FAM107B: variants seen among roughly 807,000 people sequenced by gnomAD.
FAM107B encodes the protein protein FAM107B.
FAM107B carries 21 observed loss-of-function variants against 31.5 expected under a neutral mutation model. That is an observed-to-expected ratio of 0.67 (90% CI 0.47 to 0.96). The LOEUF (loss-of-function observed/expected upper bound fraction) is 0.96. FAM107B is among the 40% of genes least tolerant of loss of function. FAM107B has a pLI of 0.00. For synonymous variants in FAM107B, 157 were observed against 141.5 expected (o/e 1.11, Z -0.78); for missense variants, 452 against 377.1 (o/e 1.20, Z -1.64).
At chr10:14,527,129 A>G (rs1846345888) in intron 3 of FAM107B, among the ~76,000 whole-genome samples, 1 of 146,762 alleles carries the variant, frequency 6.8e-6, no homozygotes, top group African/African-American at 2.5e-5. Context: ...GAGCCACCAC[A>G]CCCAGCCCTT....
At chr10:14,574,377 A>C (rs962790725) in intron 2 of FAM107B, among the ~76,000 whole-genome samples, 4 of 152,244 alleles carry the variant, frequency 2.6e-5, no homozygotes, top group Non-Finnish European at 1.5e-5. Context: ...ATTAACAAGG[A>C]TCTTCAGTAG....
intron 1 of FAM107B, among the ~76,000 whole-genome samples, chr10:14,755,816 T>C (rs1588758133): frequency 1.3e-5 from 2 of 152,136 alleles, no homozygotes; most frequent in Non-Finnish European, 2.9e-5. Context: ...CATCATTGCC[T>C]TAGAAACTTC....
chr10:14,731,077 C>T (rs1856161793), intron 1 of FAM107B, among the ~76,000 whole-genome samples: 1 of 152,170 alleles, frequency 6.6e-6, no homozygotes, highest in South Asian at 2.1e-4. Context: ...TGTTTTGAAC[C>T]TGCTCACTTT....
At chr10:14,750,811 G>A (rs544613700) in intron 1 of FAM107B, among the ~76,000 whole-genome samples, 1 of 152,220 alleles carries the variant, frequency 6.6e-6, no homozygotes, top group East Asian at 1.9e-4. Context: ...TACCTGGGTG[G>A]TGCATGCTTC....
chr10:14,619,708 TA>T (rs3995551), intron 2 of FAM107B, among the ~76,000 whole-genome samples: 7 of 104,612 alleles, frequency 6.7e-5, no homozygotes, highest in South Asian at 3.5e-4. Flanking sequence ...GTGTCCTAGC[TA>T]AAAAAAAAAA....
chr10:14,715,863 C>CT (rs1229819701), intron 1 of FAM107B, among the ~76,000 whole-genome samples: 1 of 152,132 alleles, frequency 6.6e-6, no homozygotes, highest in Non-Finnish European at 1.5e-5. Context: ...ATTCTCAGGC[C>CT]TTTGTACTCT....
chr10:14,697,684 G>A (rs1855299159), intron 1 of FAM107B, among the ~76,000 whole-genome samples: 1 of 152,210 alleles, frequency 6.6e-6, no homozygotes, highest in South Asian at 2.1e-4. Flanking sequence ...GACCTATACA[G>A]CTGCTGTCTC....
intron 1 of FAM107B, among the ~76,000 whole-genome samples, chr10:14,749,140 G>A (rs2131580328): frequency 6.6e-6 from 1 of 152,340 alleles, no homozygotes; most frequent in East Asian, 1.9e-4. Context: ...AGAGGCTGGA[G>A]CTTAGTGCCA....
intron 2 of FAM107B, among the ~76,000 whole-genome samples, chr10:14,562,567 G>A (rs936445075): frequency 6.6e-6 from 1 of 152,198 alleles, no homozygotes; most frequent in African/African-American, 2.4e-5. Context: ...TCCACTTGCA[G>A]GAAAACAGAT....
At chr10:14,674,284 A>G (rs1036545464) in intron 1 of FAM107B, among the ~76,000 whole-genome samples, 3 of 152,270 alleles carry the variant, frequency 2.0e-5, no homozygotes, top group African/African-American at 7.2e-5. Context: ...TGCACAGCAA[A>G]GGAAACAATC....
chr10:14,652,707 G>A (rs1853932529), intron 2 of FAM107B: 1 of 152,176 alleles, frequency 6.6e-6, no homozygotes. Context: ...GGGTAGCGTG[G>A]ATACCAGACG....
At chr10:14,755,144 A>G (rs1564289153) in intron 1 of FAM107B, among the ~76,000 whole-genome samples, 1 of 152,366 alleles carries the variant, frequency 6.6e-6, no homozygotes. Context: ...TAGTAGTTTC[A>G]TGACTTGACA....
intron 1 of FAM107B, among the ~76,000 whole-genome samples, chr10:14,756,183 C>T (rs1832927506): frequency 6.6e-6 from 1 of 152,146 alleles, no homozygotes; most frequent in South Asian, 2.1e-4. Context: ...TTCATATATT[C>T]TTCTCACTTA....
At chr10:14,664,775 T>C (rs1247094322) in intron 2 of FAM107B, among the ~76,000 whole-genome samples, 2 of 152,238 alleles carry the variant, frequency 1.3e-5, no homozygotes, top group Admixed American at 1.3e-4. Flanking sequence ...TAGCACATAG[T>C]AGACATTCAG....
At chr10:14,606,255 C>A (rs1286559748) in intron 2 of FAM107B, among the ~76,000 whole-genome samples, 1 of 152,128 alleles carries the variant, frequency 6.6e-6, no homozygotes, top group East Asian at 1.9e-4. Flanking sequence ...GCCTAGCAGA[C>A]CTTCACCAAT....
At chr10:14,643,014 A>C (rs550891021) in intron 2 of FAM107B, among the ~76,000 whole-genome samples, 1 of 152,182 alleles carries the variant, frequency 6.6e-6, no homozygotes, top group African/African-American at 2.4e-5. Context: ...CCATTTCCAC[A>C]TTTTTAAGTA....
At chr10:14,562,980 A>G (rs1430569540) in intron 2 of FAM107B, among the ~76,000 whole-genome samples, 1 of 152,268 alleles carries the variant, frequency 6.6e-6, no homozygotes, top group Non-Finnish European at 1.5e-5. Flanking sequence ...GCTACATGTG[A>G]AAGTTTAATT....
chr10:14,722,143 T>C (rs562024833), intron 1 of FAM107B, among the ~76,000 whole-genome samples: 2 of 152,230 alleles, frequency 1.3e-5, no homozygotes, highest in Non-Finnish European at 2.9e-5. Flanking sequence ...AATTCCAGAA[T>C]ATTTTCATTA....
At chr10:14,767,091 G>GAGAGAGAGAGAGAC (rs1833195311) in intron 1 of FAM107B, among the ~76,000 whole-genome samples, 1 of 110,612 alleles carries the variant, frequency 9.0e-6, no homozygotes, top group African/African-American at 4.3e-5. Context: ...GAGAGAGAGA[G>GAGAGAGAGAGAGAC]AGAGAGAGAC....
Sources: gnomAD v4.1 joint callset for allele counts (sites outside exome capture counted in the v4.1 genomes callset) on GRCh38, gnomAD v4.1.1 for gene constraint, MANE v1.5 for transcripts, NCBI Gene and HGNC (gene_info 2026-07-23, HGNC 2026-07-21) for gene names.